VDR: variants seen among roughly 807,000 people sequenced by gnomAD.
The protein encoded by VDR is vitamin D receptor, also known as vitamin D3 receptor.
Under a neutral mutation model 39.7 loss-of-function variants are expected in VDR, and 19 were observed. The observed-to-expected ratio is 0.48, with a 90% CI of 0.33 to 0.70. The LOEUF (loss-of-function observed/expected upper bound fraction) is 0.70, where lower values mean the gene tolerates loss of function less well. VDR is among the 30% of genes least tolerant of loss of function. The probability of loss-of-function intolerance (pLI) is 0.02; values close to 1 mark genes in which losing one functional copy is unlikely to be tolerated. For missense variants in VDR, 442 were observed against 570.5 expected, an observed-to-expected ratio of 0.77 and a Z score of 2.29; for synonymous variants, 242 against 215.8, an observed-to-expected ratio of 1.12 and a Z score of -1.07.
chr12:47,847,371 ATCTT>A, intron 7 of VDR, among the ~76,000 whole-genome samples: 1 of 152,040 alleles, frequency 6.6e-6, no homozygotes, highest in East Asian at 1.9e-4. Flanking sequence ...TCTCTCATTC[ATCTT>A]TCTTACCACT....
chr12:47,857,458 G>A, intron 5 of VDR, 46 bp downstream of exon 5: 1 of 1,613,718 alleles, frequency 6.2e-7, no homozygotes, highest in Non-Finnish European at 8.5e-7. Context: ...GGCTCCACTA[G>A]TGCTTCTCCT....
At chr12:47,877,888 C>G (rs1047501068) in intron 3 of VDR, among the ~76,000 whole-genome samples, 4 of 152,182 alleles carry the variant, frequency 2.6e-5, no homozygotes, top group Non-Finnish European at 4.4e-5. Flanking sequence ...CACAGAAACC[C>G]CACTGCCCAG....
chr12:47,862,229 AAG>A (rs1945641069), intron 4 of VDR, among the ~76,000 whole-genome samples: 1 of 152,232 alleles, frequency 6.6e-6, no homozygotes, highest in Non-Finnish European at 1.5e-5. Flanking sequence ...AAGAATGGAA[AAG>A]AGAGAAAATG....
At chr12:47,883,475 C>T (rs1302743899) in intron 1 of VDR, among the ~76,000 whole-genome samples, 1 of 152,218 alleles carries the variant, frequency 6.6e-6, no homozygotes, top group Admixed American at 6.5e-5. Context: ...CCCCCAGCTG[C>T]AGTAGGGTTG....
intron 1 of VDR, among the ~76,000 whole-genome samples, chr12:47,888,564 G>C (rs1946304661): frequency 6.6e-6 from 1 of 152,150 alleles, no homozygotes; most frequent in African/African-American, 2.4e-5. Context: ...CCTTAGCTTT[G>C]TCAACAAGAT....
chr12:47,862,101 TA>T (rs1945638295), intron 4 of VDR, among the ~76,000 whole-genome samples: 1 of 152,190 alleles, frequency 6.6e-6, no homozygotes, highest in East Asian at 1.9e-4. Flanking sequence ...CATACATCTG[TA>T]AAAACATCAA....
intron 9 of VDR, among the ~76,000 whole-genome samples, chr12:47,845,709 G>A (rs974847386): frequency 3.3e-5 from 5 of 152,082 alleles, no homozygotes; most frequent in African/African-American, 1.2e-4. Flanking sequence ...AGGGGTAGAG[G>A]AGCCCATCTC....
At chr12:47,869,017 C>T (rs1010485857) in intron 3 of VDR, among the ~76,000 whole-genome samples, 13 of 152,232 alleles carry the variant, frequency 8.5e-5, no homozygotes, top group Non-Finnish European at 1.2e-4. Flanking sequence ...TCAGAGGCCC[C>T]GTCTGTCCTT....
At chr12:47,884,463 C>T (rs918170912) in intron 1 of VDR, among the ~76,000 whole-genome samples, 13 of 152,126 alleles carry the variant, frequency 8.5e-5, no homozygotes, top group African/African-American at 2.9e-4. Context: ...GATTGTAGTG[C>T]CCAACTGGGT....
chr12:47,891,240 C>T (rs1005894866), intron 1 of VDR, among the ~76,000 whole-genome samples: 12 of 152,334 alleles, frequency 7.9e-5, no homozygotes, highest in African/African-American at 2.9e-4. Flanking sequence ...GTCTCCTTAT[C>T]TACAAACAGG....
intron 1 of VDR, among the ~76,000 whole-genome samples, chr12:47,899,313 C>A (rs1306335139): frequency 6.6e-6 from 1 of 152,222 alleles, no homozygotes; most frequent in African/African-American, 2.4e-5. Context: ...ACCTGGCACA[C>A]CGTAGGCTCT....
intron 7 of VDR, among the ~76,000 whole-genome samples, chr12:47,848,111 C>A (rs1317403831): frequency 6.6e-6 from 1 of 152,098 alleles, no homozygotes; most frequent in East Asian, 1.9e-4. Flanking sequence ...ACAGTGTTAG[C>A]CAGGATGGTC....
At chr12:47,861,211 G>T (rs1945619587) in intron 4 of VDR, among the ~76,000 whole-genome samples, 1 of 152,278 alleles carries the variant, frequency 6.6e-6, no homozygotes, top group Non-Finnish European at 1.5e-5. Flanking sequence ...CAGGCATTGT[G>T]TTCCAATCCA....
intron 4 of VDR, among the ~76,000 whole-genome samples, chr12:47,858,942 G>T (rs1311593847): frequency 6.6e-6 from 1 of 152,222 alleles, no homozygotes; most frequent in African/African-American, 2.4e-5. Context: ...TGGCAGGAAA[G>T]CGAGCGCTAC....
At position 47,882,735 on chromosome 12, in the gene VDR, C is replaced by T. The variant is rs890690603; in HGVS notation, c.-44G>A. ...CAGGTAAGTGGAGCCCAGGGGTGCT[C>T]TTCTGTGAGGTCTCACAGACACTTC... On this transcript the variant is annotated 5_prime_UTR_variant, in exon 2 of 10. Coordinates refer to ENST00000549336, the MANE Select transcript of VDR (RefSeq NM_000376.3). 26 of 1,524,644 alleles carry T rather than the reference C, an allele frequency of 1.7e-5. No individual in the cohort carries two copies. Among genetic ancestry groups the T allele is most frequent in the Non-Finnish European group, 2.1e-5 (24 of 1,140,998 alleles). The allele number at this position is 1,524,644 out of a possible 1,614,324, so 94.4% of individuals were successfully genotyped here.
intron 4 of VDR, among the ~76,000 whole-genome samples, chr12:47,859,866 T>TTCTTTCC (rs1945574906): frequency 5.9e-5 from 3 of 50,550 alleles, no homozygotes; most frequent in Non-Finnish European, 1.2e-4. Context: ...TCCTTCCTTC[T>TTCTTTCC]TTCCTTCCTT....
chr12:47,882,623 G>GGCCCCGGGCCCCCCCC, intron 2 of VDR, 71 bp downstream of exon 2: 4 of 543,276 alleles, frequency 7.4e-6, no homozygotes, highest in East Asian at 3.6e-5. Flanking sequence ...ACCTTCTTAT[G>GGCCCCGGGCCCCCCCC]CCCCTCCCCC....
chr12:47,895,478 C>T (rs961412245), intron 1 of VDR, among the ~76,000 whole-genome samples: 1 of 152,190 alleles, frequency 6.6e-6, no homozygotes, highest in African/African-American at 2.4e-5. Context: ...TTCTTTCTAA[C>T]TCACAAGGAA....
chr12:47,871,286 C>CTCTTTCTTTCTTTCTT (rs748055438), intron 3 of VDR, among the ~76,000 whole-genome samples: 17 of 134,128 alleles, frequency 1.3e-4, no homozygotes, highest in Non-Finnish European at 1.3e-4. Context: ...CTCTTTCTTT[C>CTCTTTCTTTCTTTCTT]TCTTTCTCTT....
Sources: allele counts gnomAD v4.1 joint callset (sites outside exome capture counted in the v4.1 genomes callset), GRCh38; gene constraint gnomAD v4.1.1; transcripts MANE v1.5; gene names NCBI Gene and HGNC (gene_info 2026-07-23, HGNC 2026-07-21).